WDPCP: variants seen among roughly 807,000 people sequenced by gnomAD.
WDPCP encodes WD repeat-containing and planar cell polarity effector protein fritz homolog.
Under a neutral mutation model 93.1 loss-of-function variants are expected in WDPCP, and 71 were observed. The observed-to-expected ratio is 0.76, with a 90% CI of 0.63 to 0.93. The LOEUF is 0.93. Ranked by LOEUF, WDPCP falls within the 40% of genes least tolerant of loss-of-function variation. WDPCP has a pLI of 0.00. For synonymous variants in WDPCP, 315 were observed against 315.0 expected (o/e 1.00, Z 0.00); for missense variants, 844 against 887.4 (o/e 0.95, Z 0.62).
At chr2:63,768,914 G>C (rs915786279) in intron 2 of WDPCP, among the ~76,000 whole-genome samples, 19 of 151,858 alleles carry the variant, frequency 1.3e-4, no homozygotes, top group Non-Finnish European at 2.4e-4. Context: ...TTTCTAGGAG[G>C]GGAGATCTCT....
chr2:63,121,886 T>G lies in WDPCP; in HGVS notation c.*120A>C, dbSNP rs977880878. The G allele has an allele frequency of 1.3e-5, 19 of 1,513,426 alleles. No homozygotes were observed. Among genetic ancestry groups the G allele is most frequent in the Middle Eastern group, 1.8e-4 (1 of 5,544 alleles). 93.7% of individuals were successfully genotyped at this position (1,513,426 alleles called of 1,614,324 possible). A position where few individuals can be genotyped will look rare whatever the true frequency, so the allele number is the denominator to read the frequency against. ...AAACAAACACTCAACTCAAAACTCT[T>G]AACTAATTTATATGATTCATACTGT... On this transcript the variant is annotated 3_prime_UTR_variant, in exon 18 of 18. Transcript: ENST00000272321.
At chr2:63,237,505 A>C (rs1451674227) in intron 14 of WDPCP, among the ~76,000 whole-genome samples, 4 of 152,022 alleles carry the variant, frequency 2.6e-5, no homozygotes, top group Non-Finnish European at 5.9e-5. Flanking sequence ...AAATTGTGCT[A>C]CCAAAGATAC....
At chr2:63,751,490 T>C (rs1262753337) in intron 2 of WDPCP, among the ~76,000 whole-genome samples, 1 of 152,220 alleles carries the variant, frequency 6.6e-6, no homozygotes, top group Non-Finnish European at 1.5e-5. Context: ...AAATAACCTG[T>C]TACACCTTTA....
At chr2:63,647,970 G>A (rs538441925) in intron 3 of WDPCP, among the ~76,000 whole-genome samples, 2 of 152,172 alleles carry the variant, frequency 1.3e-5, no homozygotes, top group Middle Eastern at 3.2e-3. Context: ...ATTTGAGAAT[G>A]AATGATGTAA....
At chr2:63,556,699 C>T (rs1202581003) in intron 1 of WDPCP, among the ~76,000 whole-genome samples, 2 of 152,028 alleles carry the variant, frequency 1.3e-5, no homozygotes, top group African/African-American at 2.4e-5. Context: ...AAAGATCAAC[C>T]GCAAGACACA....
At chr2:63,440,686 T>A (rs1017698210) in intron 6 of WDPCP, 1 of 152,570 alleles carries the variant, frequency 6.6e-6, no homozygotes, top group African/African-American at 2.4e-5. Flanking sequence ...TTATGAAATA[T>A]CAACATTGGA....
intron 1 of WDPCP, among the ~76,000 whole-genome samples, chr2:63,539,514 G>A (rs1049627825): frequency 6.6e-6 from 1 of 152,104 alleles, no homozygotes; most frequent in Non-Finnish European, 1.5e-5. Flanking sequence ...TGGCCAACAT[G>A]GTGAAACCCT....
Position 63,313,272 on chromosome 2 carries a change from G to T in WDPCP, c.1788C>A (p.Asp596Glu), listed in dbSNP as rs185980830. The T allele has an allele frequency of 6.2e-7, 1 of 1,613,642 alleles. No homozygotes were observed. Among genetic ancestry groups the T allele is most frequent in the Non-Finnish European group, 8.5e-7 (1 of 1,179,702 alleles). ...CCATAAAGAGGTCACGAGCACCAAC[G>T]TCAACAGCTAGGAGAAATGCCTTTT... ...RFEKAFLLAVDVGARDLFMDI... is the reference protein window; with the variant it reads ...RFEKAFLLAVEVGARDLFMDI... Residue 596 changes from aspartate (D) to glutamate (E), a missense_variant, in exon 13 of 18, where the codon GAC (aspartate) becomes GAA (glutamate). Transcript: ENST00000272321.
intron 2 of WDPCP, among the ~76,000 whole-genome samples, chr2:63,789,249 A>G (rs1670510308): frequency 6.6e-6 from 1 of 152,024 alleles, no homozygotes; most frequent in South Asian, 2.1e-4. Context: ...GAAAACTTAA[A>G]TTTGTCACAA....
chr2:63,709,610 A>G (rs1362837644), intron 2 of WDPCP, among the ~76,000 whole-genome samples: 1 of 152,184 alleles, frequency 6.6e-6, no homozygotes, highest in Non-Finnish European at 1.5e-5. Flanking sequence ...AATAATTCCT[A>G]ACTGCCTCTA....
At chr2:63,135,153 A>T (rs1179753845) in intron 17 of WDPCP, among the ~76,000 whole-genome samples, 1 of 152,152 alleles carries the variant, frequency 6.6e-6, no homozygotes, top group Non-Finnish European at 1.5e-5. Flanking sequence ...CTCTGGATAA[A>T]GTGTGCAAAA....
intron 9 of WDPCP, among the ~76,000 whole-genome samples, chr2:63,432,357 C>T (rs1008650830): frequency 6.6e-6 from 1 of 152,136 alleles, no homozygotes; most frequent in Non-Finnish European, 1.5e-5. Flanking sequence ...ACATACTCTA[C>T]CCACAGCACC....
intron 17 of WDPCP, among the ~76,000 whole-genome samples, chr2:63,129,609 AT>A: frequency 6.6e-6 from 1 of 152,236 alleles, no homozygotes; most frequent in Non-Finnish European, 1.5e-5. Flanking sequence ...CCATTTGTAT[AT>A]CTTGGAAGTT....
At chr2:63,330,714 G>T (rs1422168345) in intron 12 of WDPCP, among the ~76,000 whole-genome samples, 1 of 152,022 alleles carries the variant, frequency 6.6e-6, no homozygotes, top group Non-Finnish European at 1.5e-5. Flanking sequence ...TAGTTTCACA[G>T]TTTTATGTTT....
chr2:63,507,873 C>T (rs1358569499), intron 1 of WDPCP, among the ~76,000 whole-genome samples: 1 of 151,600 alleles, frequency 6.6e-6, no homozygotes, highest in Non-Finnish European at 1.5e-5. Flanking sequence ...AGTGTGAAGA[C>T]AAGATTAGAG....
intron 13 of WDPCP, among the ~76,000 whole-genome samples, chr2:63,272,196 C>A (rs1202403207): frequency 2.0e-5 from 3 of 152,224 alleles, no homozygotes; most frequent in Admixed American, 6.5e-5. Context: ...CTTTCACTAA[C>A]AACTGCAGCC....
At chr2:63,285,416 A>G (rs1272101276) in intron 13 of WDPCP, among the ~76,000 whole-genome samples, 2 of 150,284 alleles carry the variant, frequency 1.3e-5, no homozygotes, top group Non-Finnish European at 3.0e-5. Context: ...CCTGGGTGAC[A>G]GAGTGAGACT....
rs577689413 is a variant in WDPCP at position 63,453,838 on chromosome 2, G to A, written c.385-13967C>T. On this transcript the variant is annotated intron_variant, in intron 6 of 17. Coordinates refer to ENST00000272321, the MANE Select transcript of WDPCP (RefSeq NM_015910.7). The stretch of plus-strand genomic sequence containing the variant: ...AAACCATCATTCTCAGCAAACTATC[G>A]CAAGGACAAAAAACCAAACACTGCA... 6.0e-5 allele frequency among the ~76,000 whole-genome samples: 9 copies of A among 149,952 alleles called. No homozygotes were observed. The South Asian group carries it at 6.4e-4, about 11-fold the overall frequency.
At chr2:63,523,086 G>A (rs1181371069) in intron 1 of WDPCP, among the ~76,000 whole-genome samples, 1 of 152,146 alleles carries the variant, frequency 6.6e-6, no homozygotes, top group African/African-American at 2.4e-5. Flanking sequence ...AAATCCAGCA[G>A]CACATCATAA....
Sources: gnomAD v4.1 joint callset for allele counts (sites outside exome capture counted in the v4.1 genomes callset) on GRCh38, gnomAD v4.1.1 for gene constraint, MANE v1.5 for transcripts, NCBI Gene and HGNC (gene_info 2026-07-23, HGNC 2026-07-21) for gene names.